Variants in LATS1 observed in about 807,000 individuals in gnomAD.
LATS1 encodes serine/threonine-protein kinase LATS1.
LATS1 carries 25 observed loss-of-function variants against 106.6 expected under a neutral mutation model. The observed-to-expected ratio is 0.23, with a 90% confidence interval of 0.17 to 0.33. LATS1 has a LOEUF of 0.33. Ranked by LOEUF, LATS1 falls within the 10% of genes least tolerant of loss-of-function variation. The pLI, the probability that LATS1 is intolerant of heterozygous loss-of-function variation, is 1.00. For missense variants in LATS1, 1,040 were observed against 1,382.6 expected, an observed-to-expected ratio of 0.75 and a Z score of 3.93; for synonymous variants, 465 against 455.6, an observed-to-expected ratio of 1.02 and a Z score of -0.26.
At chr6:149,682,238 GCA>G (rs1307389672) in intron 4 of LATS1, among the ~76,000 whole-genome samples, 1 of 151,996 alleles carries the variant, frequency 6.6e-6, no homozygotes, top group African/African-American at 2.4e-5. Context: ...AATAATTTTA[GCA>G]CATTTTTCTC....
chr6:149,679,997 A>C lies in LATS1; in HGVS notation c.2471T>G (p.Phe824Cys). 6.2e-7 allele frequency: 1 copy of C among 1,614,148 alleles called. No individual in the cohort carries two copies. The highest frequency in any genetic ancestry group is 1.1e-5 in the South Asian group (1 of 91,080). Residue 824 changes from phenylalanine to cysteine, a missense_variant, in exon 5 of 8, where the codon TTT becomes TGT. Phe to Cys is a radical substitution (Grantham distance 205, BLOSUM62 -2). This residue lies in a region of LATS1 where 167 missense variants were observed against 332.1 expected (regional missense o/e 0.50). Coordinates refer to ENST00000543571, the MANE Select transcript of LATS1 (RefSeq NM_004690.4). ...CAVESVHKMG[F>C]IHRDIKPDNI... The stretch of plus-strand genomic sequence containing the variant: ...ATCAGGTTTAATATCTCTATGAATA[A>C]AACCCATTTTATGAACACTTTCAAC...
chr6:149,713,151 G>C (rs913597925), intron 1 of LATS1, among the ~76,000 whole-genome samples: 2 of 152,116 alleles, frequency 1.3e-5, no homozygotes, highest in African/African-American at 4.8e-5. Flanking sequence ...GTATGATAAT[G>C]AAAACAATGG....
intron 1 of LATS1, among the ~76,000 whole-genome samples, chr6:149,710,629 G>C (rs1784038270): frequency 6.6e-6 from 1 of 152,168 alleles, no homozygotes; most frequent in South Asian, 2.1e-4. Context: ...GTCAGATTAA[G>C]GGCTGAGAGG....
chr6:149,665,254 C>T (rs968267271), intron 7 of LATS1, among the ~76,000 whole-genome samples: 12 of 152,096 alleles, frequency 7.9e-5, no homozygotes, highest in Non-Finnish European at 1.3e-4. Context: ...CCAGCTACTC[C>T]GGGAGGCTGA....
intron 2 of LATS1, 139 bp from the exon 3 acceptor site, chr6:149,695,360 G>A (rs1352998810): frequency 6.9e-6 from 4 of 576,286 alleles, no homozygotes; most frequent in Non-Finnish European, 1.2e-5. Context: ...TTAATGTTCT[G>A]TTTGTAGCTA....
Position 149,701,891 on chromosome 6 carries a change from T to G in LATS1, c.236A>C (p.Gln79Pro). Residue 79 changes from glutamine to proline, a missense_variant, in exon 2 of 8, where the codon CAG becomes CCG. Physicochemically the swap from Gln to Pro is moderately conservative, Grantham distance 76. This residue lies in a region of LATS1 where 624 missense variants were observed against 714.8 expected (regional missense o/e 0.87). Coordinates refer to ENST00000543571, the MANE Select transcript of LATS1 (RefSeq NM_004690.4). ...PKFGTHHKAL[Q>P]EIRNSLLPFA... ...TGGAAGCAGAGAGTTTCGAATTTCC[T>G]GCAAGGCTTTATGATGCGTCCCAAA... 6.2e-7 allele frequency: 1 copy of G among 1,614,208 alleles called. No individual in the cohort carries two copies.
At chr6:149,680,579 T>C (rs1178232917) in intron 4 of LATS1, 122 bp from the exon 5 acceptor site, 7 of 691,748 alleles carry the variant, frequency 1.0e-5, no homozygotes, top group African/African-American at 5.4e-5. Context: ...TAATAAAGCA[T>C]GTTAGAAATC....
chr6:149,683,931 A>G lies in LATS1; in HGVS notation c.1158T>C (p.Pro386=). ...YPLTAANGQS[P]SALQTGGSAA... ...CAGATCCCCCTGTTTGTAAAGCAGA[A>G]GGGCTTTGTCCATTAGCTGCTGTCA... Residue 386 remains proline, a synonymous_variant, in exon 4 of 8, where the codon CCT becomes CCC. Coordinates refer to ENST00000543571, the MANE Select transcript of LATS1 (RefSeq NM_004690.4). 1.9e-6 allele frequency: 3 copies of G among 1,614,196 alleles called. No homozygotes were observed. Among genetic ancestry groups the G allele is most frequent in the Non-Finnish European group, 2.5e-6 (3 of 1,180,032 alleles).
chr6:149,671,873 T>C (rs190807099), intron 7 of LATS1, among the ~76,000 whole-genome samples: 12 of 152,018 alleles, frequency 7.9e-5, no homozygotes, highest in Admixed American at 2.6e-4. Flanking sequence ...GTGTCTCCAC[T>C]TATTTAGATC....
chr6:149,671,655 G>T (rs1781451945), intron 7 of LATS1, among the ~76,000 whole-genome samples: 1 of 151,794 alleles, frequency 6.6e-6, no homozygotes, highest in Non-Finnish European at 1.5e-5. Context: ...TTAAAATCAG[G>T]TAGTTGAACC....
chr6:149,716,865 A>G (rs1388217031), intron 1 of LATS1, among the ~76,000 whole-genome samples: 2 of 152,226 alleles, frequency 1.3e-5, no homozygotes, highest in Non-Finnish European at 2.9e-5. Context: ...CGTAGCACAG[A>G]ACATTCACTC....
At chr6:149,687,485 A>G (rs548747742) in intron 3 of LATS1, among the ~76,000 whole-genome samples, 7 of 152,020 alleles carry the variant, frequency 4.6e-5, no homozygotes, top group Admixed American at 4.6e-4. Context: ...GCTGGAGGGC[A>G]GTGGCATGAT....
intron 1 of LATS1, among the ~76,000 whole-genome samples, chr6:149,704,067 G>C (rs1389411776): frequency 6.6e-6 from 1 of 152,148 alleles, no homozygotes; most frequent in Non-Finnish European, 1.5e-5. Flanking sequence ...GCAATGGCAC[G>C]ATCTTGGCTC....
At chr6:149,716,848 T>C (rs1277491779) in intron 1 of LATS1, among the ~76,000 whole-genome samples, 2 of 152,176 alleles carry the variant, frequency 1.3e-5, no homozygotes, top group Admixed American at 6.6e-5. Context: ...ATAATAAGCT[T>C]TGTTTTCGTA....
Position 149,676,694 on chromosome 6 carries a change from C to T in LATS1, c.2637G>A (p.Trp879Ter). Reference protein sequence around the residue: ...RQDSMDFSNEWGDPSSCRCGD... With the variant: ...RQDSMDFSNE ...CACATCGACAGCTTGAGGGATCCCCCCATTCATTACTGAAATCCATGCTAT... is the reference window on the plus strand; with the variant it reads ...CACATCGACAGCTTGAGGGATCCCCTCATTCATTACTGAAATCCATGCTAT... The change falls in exon 6 of 8, where the codon TGG (tryptophan) becomes TGA (stop). Residue 879 changes from tryptophan to a stop codon, truncating the protein, a stop_gained. Coordinates refer to ENST00000543571, the MANE Select transcript of LATS1 (RefSeq NM_004690.4). LOFTEE classifies it high-confidence loss of function. The T allele has an allele frequency of 6.2e-7, 1 of 1,613,982 alleles. No individual in the cohort carries two copies. Among genetic ancestry groups the T allele is most frequent in the Non-Finnish European group, 8.5e-7 (1 of 1,179,934 alleles).
At chr6:149,714,656 C>T (rs1380679163) in intron 1 of LATS1, among the ~76,000 whole-genome samples, 1 of 151,804 alleles carries the variant, frequency 6.6e-6, no homozygotes, top group African/African-American at 2.4e-5. Context: ...GCAAGCAAAA[C>T]CCCAGTATTC....
At chr6:149,674,647 T>G (rs1386379711) in intron 7 of LATS1, among the ~76,000 whole-genome samples, 2 of 148,098 alleles carry the variant, frequency 1.4e-5, no homozygotes, top group African/African-American at 5.0e-5. Context: ...GTGTTGGGAT[T>G]ACAGGTGTGA....
chr6:149,662,014 T>C lies in LATS1; in HGVS notation c.3108A>G (p.Thr1036=), dbSNP rs766873389. 3 of 1,614,050 alleles carry C rather than the reference T, an allele frequency of 1.9e-6. No homozygotes were observed. In the African/African-American group the frequency reaches 4.0e-5, roughly 22 times the overall value. The change falls in exon 8 of 8, where the codon ACA becomes ACG. Residue 1036 remains threonine, a synonymous_variant. Transcript: ENST00000543571. ...CAGGATCAACAGGATCAAAATTTGA[T>C]GTATCTGTTGGGTGTGTGATTTTAG... The part of the protein sequence containing the change: ...YIPKITHPTD[T]SNFDPVDPDK...
chr6:149,699,314 G>A (rs911014693), intron 2 of LATS1, among the ~76,000 whole-genome samples: 4 of 151,856 alleles, frequency 2.6e-5, no homozygotes, highest in Non-Finnish European at 5.9e-5. Flanking sequence ...CACTGTCTGG[G>A]AAGTGAGGTG....
Sources: allele counts gnomAD v4.1 joint callset (sites outside exome capture counted in the v4.1 genomes callset), GRCh38; gene constraint gnomAD v4.1.1; regional missense constraint gnomAD v4.1.1; transcripts MANE v1.5; gene names NCBI Gene and HGNC (gene_info 2026-07-23, HGNC 2026-07-21).